The following CTXND1 variants were observed in gnomAD, a reference collection of about 807,000 sequenced individuals.
The protein encoded by CTXND1 is cortexin domain containing 1, also known as cortexin domain-containing 1 protein.
intron 1 of CTXND1, among the ~76,000 whole-genome samples, chr15:80,232,100 A>G (rs1239302018): frequency 1.3e-5 from 2 of 152,068 alleles, no homozygotes; most frequent in Non-Finnish European, 1.5e-5. Context: ...GAGTGAGGCT[A>G]TAGGAGTGGT....
chr15:80,201,418 A>C lies in CTXND1; in HGVS notation c.*352T>G, dbSNP rs746594727. ...AGACAAGACCACTGTTATGTGATGG[A>C]TGGGGGGTGTCTGTTGCTGGATCCA... On this transcript the variant is annotated 3_prime_UTR_variant, in exon 3 of 3. Coordinates refer to ENST00000560778, the MANE Select transcript of CTXND1 (RefSeq NM_001352888.2). The C allele has an allele frequency of 3.7e-5, 7 of 189,224 alleles. No individual in the cohort carries two copies. Among genetic ancestry groups the C allele is most frequent in the Non-Finnish European group, 6.5e-5 (6 of 92,630 alleles). 11.7% of individuals were successfully genotyped at this position (189,224 alleles called of 1,614,324 possible).
intron 1 of CTXND1, among the ~76,000 whole-genome samples, chr15:80,224,241 C>T (rs114734216): frequency 0.013 from 1,936 of 152,248 alleles, 40 homozygotes; most frequent in African/African-American, 0.045. Flanking sequence ...CTCCAACCAC[C>T]GACCGACTGC....
In CTXND1 at chr15:80,200,899, C is replaced by G. The variant is rs1477564322; in HGVS notation, c.*871G>C. On this transcript the variant is annotated 3_prime_UTR_variant, in exon 3 of 3. Coordinates refer to ENST00000560778, the MANE Select transcript of CTXND1 (RefSeq NM_001352888.2). ...AGATGATTTTTTAACCATGACCTACCCAACCGATGGGATGCCCTTCGGTCA... is the reference window on the plus strand; with the variant it reads ...AGATGATTTTTTAACCATGACCTACGCAACCGATGGGATGCCCTTCGGTCA... 2 of 152,108 alleles carry G rather than the reference C, an allele frequency of 1.3e-5. No homozygotes were observed. Among genetic ancestry groups the G allele is most frequent in the Non-Finnish European group, 2.9e-5 (2 of 68,034 alleles). 9.4% of individuals were successfully genotyped at this position (152,108 alleles called of 1,614,324 possible).
rs1324764570 is a variant in CTXND1, at chr15:80,197,317, G to A, written c.*4453C>T. ...ACTCCTGGGCTCAAGCAATCTGCCTGTGTTGGCCTCCCAAAGTGCTGAGAT... is the reference window on the plus strand; with the variant it reads ...ACTCCTGGGCTCAAGCAATCTGCCTATGTTGGCCTCCCAAAGTGCTGAGAT... On this transcript the variant is annotated 3_prime_UTR_variant, in exon 3 of 3. Transcript: ENST00000560778. The A allele has an allele frequency of 1.3e-5, 2 of 152,304 alleles. No homozygotes were observed. The highest frequency in any genetic ancestry group is 1.3e-4 in the Admixed American group (2 of 15,294). The allele number at this position is 152,304 out of a possible 1,614,324, so 9.4% of individuals were successfully genotyped here.
rs977246831 is a variant in CTXND1, at chr15:80,195,866, C to T, written c.*5904G>A. 3 of 152,152 alleles carry T rather than the reference C, an allele frequency of 2.0e-5. No homozygotes were observed. Among genetic ancestry groups the T allele is most frequent in the Non-Finnish European group, 4.4e-5 (3 of 68,024 alleles). The allele number at this position is 152,152 out of a possible 1,614,324, so 9.4% of individuals were successfully genotyped here. A position where few individuals can be genotyped will look rare whatever the true frequency, so the allele number is the denominator to read the frequency against. The stretch of plus-strand genomic sequence containing the variant: ...TTAGGTTTTGTGGGTTTGGAAATCT[C>T]TAGTGACCAAGAGGAACTGCTTCCA... On this transcript the variant is annotated 3_prime_UTR_variant, in exon 3 of 3. Coordinates refer to ENST00000560778, the MANE Select transcript of CTXND1 (RefSeq NM_001352888.2).
chr15:80,240,366 C>A (rs1893551735), intron 1 of CTXND1, among the ~76,000 whole-genome samples: 1 of 152,176 alleles, frequency 6.6e-6, no homozygotes, highest in African/African-American at 2.4e-5. Context: ...ACCAAGGTCT[C>A]CCTCTCTCTA....
chr15:80,240,384 G>A (rs1893552013), intron 1 of CTXND1, among the ~76,000 whole-genome samples: 1 of 152,126 alleles, frequency 6.6e-6, no homozygotes, highest in South Asian at 2.1e-4. Flanking sequence ...CTACCACTCT[G>A]TTTTCCTGTT....
At chr15:80,251,190 T>C (rs1223377502) in intron 1 of CTXND1, among the ~76,000 whole-genome samples, 1 of 152,186 alleles carries the variant, frequency 6.6e-6, no homozygotes, top group Admixed American at 6.5e-5. Flanking sequence ...GGTGAGGCGG[T>C]GCATCAGCTT....
intron 1 of CTXND1, among the ~76,000 whole-genome samples, chr15:80,215,837 T>G (rs1162820667): frequency 6.6e-6 from 1 of 152,286 alleles, no homozygotes; most frequent in East Asian, 1.9e-4. Flanking sequence ...CTTTCCTCCC[T>G]CTGGACGTTG....
intron 1 of CTXND1, among the ~76,000 whole-genome samples, chr15:80,214,064 A>G (rs1352775994): frequency 1.3e-5 from 2 of 152,162 alleles, no homozygotes; most frequent in Non-Finnish European, 2.9e-5. Context: ...ATTAAAAACA[A>G]TTTTTGAAAA....
intron 1 of CTXND1, among the ~76,000 whole-genome samples, chr15:80,251,117 G>A (rs1289425850): frequency 6.6e-6 from 1 of 152,200 alleles, no homozygotes. Context: ...AGGCTTCGAT[G>A]GAGCTTTTTT....
intron 1 of CTXND1, among the ~76,000 whole-genome samples, chr15:80,230,097 A>G (rs184268078): frequency 3.9e-5 from 6 of 152,348 alleles, no homozygotes; most frequent in Admixed American, 3.3e-4. Flanking sequence ...AGATACTTTT[A>G]TAGACATTCC....
intron 1 of CTXND1, among the ~76,000 whole-genome samples, chr15:80,233,727 C>G (rs973852463): frequency 1.3e-5 from 2 of 152,232 alleles, no homozygotes; most frequent in African/African-American, 4.8e-5. Context: ...CAAAGGCAAC[C>G]TGCAAGCGAC....
At chr15:80,204,672 T>TATATATATATAC (rs898718335) in intron 1 of CTXND1, among the ~76,000 whole-genome samples, 7 of 124,836 alleles carry the variant, frequency 5.6e-5, no homozygotes, top group East Asian at 2.2e-4. Flanking sequence ...TATATATATA[T>TATATATATATAC]ACCACATTTT....
At chr15:80,231,174 C>A (rs1372117235) in intron 1 of CTXND1, among the ~76,000 whole-genome samples, 1 of 151,748 alleles carries the variant, frequency 6.6e-6, no homozygotes, top group Non-Finnish European at 1.5e-5. Flanking sequence ...GGAGCCTGAC[C>A]GCTGCTTCTC....
At chr15:80,220,142 CTATCATCTATCTATCT>C (rs1378801512) in intron 1 of CTXND1, among the ~76,000 whole-genome samples, 11 of 112,022 alleles carry the variant, frequency 9.8e-5, no homozygotes, top group South Asian at 3.0e-4. Context: ...ATCTATCTAT[CTATCATCTATCTATCT>C]ATCTATCTAT....
intron 1 of CTXND1, among the ~76,000 whole-genome samples, chr15:80,245,667 A>T (rs1013449219): frequency 1.7e-4 from 26 of 152,100 alleles, no homozygotes; most frequent in Non-Finnish European, 1.8e-4. Context: ...CTCTTTGTGG[A>T]TTGATTATCA....
At chr15:80,227,220 A>G (rs1567132507) in intron 1 of CTXND1, among the ~76,000 whole-genome samples, 1 of 152,210 alleles carries the variant, frequency 6.6e-6, no homozygotes, top group Non-Finnish European at 1.5e-5. Context: ...TACCTTTGAC[A>G]TTAAAAAAAA....
chr15:80,219,634 C>T (rs1330517318), intron 1 of CTXND1, among the ~76,000 whole-genome samples: 2 of 152,192 alleles, frequency 1.3e-5, no homozygotes, highest in African/African-American at 4.8e-5. Flanking sequence ...TTCCTAATCT[C>T]ACAGTCACCA....
Sources: gnomAD v4.1 joint callset for allele counts (sites outside exome capture counted in the v4.1 genomes callset) on GRCh38, gnomAD v4.1.1 for gene constraint, MANE v1.5 for transcripts, NCBI Gene and HGNC (gene_info 2026-07-23, HGNC 2026-07-21) for gene names.